ZKSCAN7: variants seen among roughly 807,000 people sequenced by gnomAD.
ZKSCAN7 encodes zinc finger with KRAB and SCAN domains 7, also known as zinc finger protein with KRAB and SCAN domains 7.
In ZKSCAN7, 38 loss-of-function variants were observed where a neutral mutation model predicts 65.3. The observed-to-expected ratio is 0.58, with a 90% CI of 0.45 to 0.76. The LOEUF is 0.76. ZKSCAN7 is among the 30% of genes least tolerant of loss of function. The pLI, the probability that ZKSCAN7 is intolerant of heterozygous loss-of-function variation, is 0.00. For missense variants in ZKSCAN7, 815 were observed against 913.3 expected (o/e 0.89, Z 1.39); for synonymous variants, 321 against 321.0 (o/e 1.00, Z 0.00).
chr3:44,582,146 A>G (rs1275183833), intron 5 of ZKSCAN7, among the ~76,000 whole-genome samples: 1 of 152,206 alleles, frequency 6.6e-6, no homozygotes, highest in Non-Finnish European at 1.5e-5. Context: ...CTGGCTCCAC[A>G]AGCACCTAGT....
At chr3:44,573,861 G>GA (rs1213435749), downstream of ZKSCAN7, among the ~76,000 whole-genome samples, 11 of 152,038 alleles carry the variant, frequency 7.2e-5, no homozygotes, top group South Asian at 2.1e-4. Context: ...GAATAGTAGG[G>GA]AAAAAAAGAG....
intron 2 of ZKSCAN7, among the ~76,000 whole-genome samples, chr3:44,562,338 T>A (rs140905356): frequency 2.1e-3 from 318 of 152,280 alleles, no homozygotes; most frequent in African/African-American, 7.1e-3. Flanking sequence ...AGCTAGGCCC[T>A]GGGCCTAGCC....
At chr3:44,574,448 C>G (rs1048554196), downstream of ZKSCAN7, among the ~76,000 whole-genome samples, 1 of 152,154 alleles carries the variant, frequency 6.6e-6, no homozygotes, top group African/African-American at 2.4e-5. Flanking sequence ...TTAGCAAGAA[C>G]TTCCAAAAAT....
chr3:44,571,005 A>G lies in ZKSCAN7; in HGVS notation c.1895A>G (p.Glu632Gly). ...LIRHQRLHTG[E>G]KPYKCNECGK... ...CGGCACCAGAGACTTCACACGGGTG[A>G]AAAGCCCTATAAATGCAATGAGTGT... Residue 632 changes from glutamate (E) to glycine (G), a missense_variant, in exon 6 of 6, where the codon GAA becomes GGA. By Grantham distance (98) the Glu-to-Gly change is moderately conservative. Around this residue, in one of 3 missense-constraint regions of ZKSCAN7, gnomAD observed 578 missense variants for 629.5 expected, o/e 0.92. Transcript: ENST00000426540. 6.2e-7 allele frequency: 1 copy of G among 1,614,230 alleles called. No homozygotes were observed. The highest frequency in any genetic ancestry group is 8.5e-7 in the Non-Finnish European group (1 of 1,180,040).
At chr3:44,578,896 G>A (rs909350034) in intron 5 of ZKSCAN7, among the ~76,000 whole-genome samples, 4 of 152,206 alleles carry the variant, frequency 2.6e-5, no homozygotes, top group African/African-American at 4.8e-5. Context: ...CCTCACGGGC[G>A]CTCTGCTCCC....
At chr3:44,580,151 G>C in intron 5 of ZKSCAN7, 1 of 1,611,300 alleles carries the variant, frequency 6.2e-7, no homozygotes, top group Non-Finnish European at 8.5e-7. Flanking sequence ...TGTGGTTGGG[G>C]GTGCTGGGGC....
intron 5 of ZKSCAN7, chr3:44,578,314 C>A (rs1699969878): frequency 6.3e-7 from 1 of 1,592,796 alleles, no homozygotes. Context: ...ATTCCTATAT[C>A]CGCAATAAGA....
intron 5 of ZKSCAN7, among the ~76,000 whole-genome samples, chr3:44,581,676 A>G (rs1013262587): frequency 2.6e-5 from 4 of 152,236 alleles, no homozygotes; most frequent in African/African-American, 9.6e-5. Context: ...TGTTTTAGTC[A>G]AACAGAATTC....
chr3:44,572,221 C>T, downstream of ZKSCAN7: 1 of 985,404 alleles, frequency 1.0e-6, no homozygotes, highest in Non-Finnish European at 1.2e-6. Flanking sequence ...GCTGGACCAG[C>T]TGCTTCTAAA....
At chr3:44,564,221 A>G (rs574624359) in intron 2 of ZKSCAN7, among the ~76,000 whole-genome samples, 4 of 152,376 alleles carry the variant, frequency 2.6e-5, no homozygotes, top group African/African-American at 9.6e-5. Context: ...AGCAAGGGTT[A>G]GAAATAAAAT....
downstream of ZKSCAN7, among the ~76,000 whole-genome samples, chr3:44,573,937 G>C (rs1458814621): frequency 6.6e-6 from 1 of 152,162 alleles, no homozygotes; most frequent in Non-Finnish European, 1.5e-5. Context: ...CTTTTGAATG[G>C]AGGAAAATTG....
At chr3:44,573,540 T>C (rs1054140297), downstream of ZKSCAN7, among the ~76,000 whole-genome samples, 3 of 152,266 alleles carry the variant, frequency 2.0e-5, no homozygotes, top group South Asian at 2.1e-4. Flanking sequence ...TTGCCACTTA[T>C]GAATATATAT....
In ZKSCAN7 at chr3:44,557,300, C is replaced by T. The variant is rs1436795746; in HGVS notation, c.253C>T (p.Pro85Ser). 6 of 1,614,264 alleles carry T rather than the reference C, an allele frequency of 3.7e-6. No individual in the cohort carries two copies. Among genetic ancestry groups the T allele is most frequent in the Non-Finnish European group, 4.2e-6 (5 of 1,180,052 alleles). The change falls in exon 2 of 6, where the codon CCA becomes TCA. Residue 85 changes from proline (P) to serine (S), a missense_variant. By Grantham distance (74) the Pro-to-Ser change is moderately conservative. This residue lies in a region of ZKSCAN7 where 227 missense variants were observed against 253.3 expected (regional missense o/e 0.90). Transcript: ENST00000426540. ...LRELCRWWLMPEVHTKEQILE... is the reference protein window; with the variant it reads ...LRELCRWWLMSEVHTKEQILE... Reference sequence around the variant, plus strand: ...GGAGCTCTGCCGCTGGTGGCTCATGCCAGAGGTGCACACCAAGGAGCAGAT... The same window carrying T: ...GGAGCTCTGCCGCTGGTGGCTCATGTCAGAGGTGCACACCAAGGAGCAGAT...
intron 2 of ZKSCAN7, among the ~76,000 whole-genome samples, chr3:44,563,082 T>C (rs1699530131): frequency 6.6e-6 from 1 of 152,228 alleles, no homozygotes; most frequent in Non-Finnish European, 1.5e-5. Flanking sequence ...GCTGGTCTCT[T>C]TGCTAAAGCA....
downstream of ZKSCAN7, among the ~76,000 whole-genome samples, chr3:44,572,978 C>T (rs556302082): frequency 3.9e-5 from 6 of 151,968 alleles, no homozygotes; most frequent in African/African-American, 7.2e-5. Context: ...TTCACTATGA[C>T]GAGGCTTGTG....
At chr3:44,578,155 T>G in intron 5 of ZKSCAN7, 1 of 1,519,592 alleles carries the variant, frequency 6.6e-7, no homozygotes, top group Non-Finnish European at 9.1e-7. Context: ...TCTTTCAACC[T>G]GCTGATGTCA....
In ZKSCAN7 at chr3:44,557,207, C is replaced by A. The variant is rs751930718; in HGVS notation, c.160C>A (p.Arg54=). 1 of 1,614,242 alleles carries A rather than the reference C, an allele frequency of 6.2e-7. No individual in the cohort carries two copies. Among genetic ancestry groups the A allele is most frequent in the Admixed American group, 1.7e-5 (1 of 60,034 alleles). ...CTATCCTCCTGTCTGCGAAATCTTC[C>A]GGCTACACTTCAGGCAATTGTGTTA... is the stretch of plus-strand genomic sequence containing the variant. ...KNYPPVCEIF[R]LHFRQLCYHE... Residue 54 remains arginine, a synonymous_variant, in exon 2 of 6, where the codon CGG becomes AGG. Transcript: ENST00000426540.
At chr3:44,564,802 T>A (rs1166846256) in intron 2 of ZKSCAN7, among the ~76,000 whole-genome samples, 1 of 152,146 alleles carries the variant, frequency 6.6e-6, no homozygotes, top group Non-Finnish European at 1.5e-5. Context: ...GTTTGGTTTT[T>A]GTTTTTGTTT....
At chr3:44,582,057 C>T (rs1700096828) in intron 5 of ZKSCAN7, among the ~76,000 whole-genome samples, 1 of 152,232 alleles carries the variant, frequency 6.6e-6, no homozygotes, top group South Asian at 2.1e-4. Context: ...CTATCCCTAA[C>T]ATCAGGTCAT....
Sources: gnomAD v4.1 joint callset for allele counts (sites outside exome capture counted in the v4.1 genomes callset) on GRCh38, gnomAD v4.1.1 for gene constraint, gnomAD v4.1.1 regional missense constraint, MANE v1.5 for transcripts, NCBI Gene and HGNC (gene_info 2026-07-23, HGNC 2026-07-21) for gene names.